DLL1: variants seen among roughly 807,000 people sequenced by gnomAD.
The protein encoded by DLL1 is delta-like protein 1.
DLL1 carries 9 observed loss-of-function variants against 75.1 expected under a neutral mutation model. The ratio of observed to expected loss-of-function variants is 0.12; its 90% CI spans 0.07 to 0.21. The LOEUF (loss-of-function observed/expected upper bound fraction) is 0.21. Ranked by LOEUF, DLL1 falls within the 10% of genes least tolerant of loss-of-function variation. The pLI, the probability that DLL1 is intolerant of heterozygous loss-of-function variation, is 1.00. For missense variants in DLL1, 837 were observed against 1,007.6 expected (o/e 0.83, Z 2.29); for synonymous variants, 477 against 418.3 (o/e 1.14, Z -1.71).
rs770864810 is a variant in DLL1 at position 170,284,960 on chromosome 6, T to G, written c.1208A>C (p.Glu403Ala). ...AGAGCTGCAGTAGTCAATTTTCTTCTCACAGTTGAAGCCGGAGTAGCCCAC... is the reference window on the plus strand; with the variant it reads ...AGAGCTGCAGTAGTCAATTTTCTTCGCACAGTTGAAGCCGGAGTAGCCCAC... ...CPVGYSGFNC[E>A]KKIDYCSSSP... is the part of the protein sequence containing the mutation. The change falls in exon 8 of 11, where the codon GAG (glutamate) becomes GCG (alanine). Residue 403 changes from glutamate to alanine, a missense_variant. Glu to Ala is a moderately radical substitution (Grantham distance 107, BLOSUM62 -1). This residue lies in a region of DLL1 where 533 missense variants were observed against 545.7 expected (regional missense o/e 0.98). Coordinates refer to ENST00000366756, the MANE Select transcript of DLL1 (RefSeq NM_005618.4). The G allele has an allele frequency of 6.2e-7, 1 of 1,613,968 alleles. No homozygotes were observed.
chr6:170,282,859 C>T lies in DLL1; in HGVS notation c.*15G>A. The T allele has an allele frequency of 6.2e-7, 1 of 1,614,156 alleles. No individual in the cohort carries two copies. The highest frequency in any genetic ancestry group is 8.5e-7 in the Non-Finnish European group (1 of 1,180,044). On this transcript the variant is annotated 3_prime_UTR_variant, in exon 11 of 11. Transcript: ENST00000366756. ...ATTTTAAGAGAAACGGGAGTCTTGC[C>T]ATCTCACTTCCATTTTACACCTGGG...
At chr6:170,287,985 A>G (rs1247246741) in intron 4 of DLL1, among the ~76,000 whole-genome samples, 2 of 152,020 alleles carry the variant, frequency 1.3e-5, no homozygotes, top group African/African-American at 2.4e-5. Context: ...CTGTCTCTAA[A>G]ATCCTCCCTG....
At chr6:170,282,912 C>G in intron 10 of DLL1, 33 bp from the exon 11 acceptor site, 1 of 1,614,210 alleles carries the variant, frequency 6.2e-7, no homozygotes, top group Non-Finnish European at 8.5e-7. Flanking sequence ...GGAAGTTAGC[C>G]TGAGACCGAT....
At position 170,283,219 on chromosome 6, in the gene DLL1, C is replaced by G. The variant is rs754843439; in HGVS notation, c.2048+12G>C. 2.5e-6 allele frequency: 4 copies of G among 1,612,792 alleles called. No homozygotes were observed. The South Asian group carries it at 4.4e-5, about 18-fold the overall frequency. On this transcript the variant is annotated intron_variant, in intron 9 of 10. Transcript: ENST00000366756. ...AGGTACCCCCTCCTGATGCCCGGCC[C>G]GCAGCACGCACCCCCTGAGTGTGGT...
In DLL1 at chr6:170,289,699, G is replaced by A; in HGVS notation, c.164C>T (p.Ala55Val). 6.5e-7 allele frequency: 1 copy of A among 1,547,842 alleles called. No individual in the cohort carries two copies. Among genetic ancestry groups the A allele is most frequent in the Non-Finnish European group, 8.7e-7 (1 of 1,146,530 alleles). Residue 55 changes from alanine to valine, a missense_variant, in exon 2 of 11, where the codon GCC becomes GTC. Ala to Val is a moderately conservative substitution (Grantham distance 64). This residue lies in a region of DLL1 where 304 missense variants were observed against 461.9 expected (regional missense o/e 0.66). Transcript: ENST00000366756. ...CRGGAGPPPCACRTFFRVCLK... is the reference protein window; with the variant it reads ...CRGGAGPPPCVCRTFFRVCLK... Reference sequence around the variant, plus strand: ...GCACACGCGGAAGAAGGTCCGGCAGGCGCACGGCGGTGGCCCCGCGCCCCC... The same window carrying A: ...GCACACGCGGAAGAAGGTCCGGCAGACGCACGGCGGTGGCCCCGCGCCCCC...
intron 4 of DLL1, chr6:170,288,019 T>A (rs1368881331): frequency 2.9e-6 from 2 of 678,624 alleles, no homozygotes; most frequent in Non-Finnish European, 5.0e-6. Context: ...GTTCCGATAG[T>A]GGATAAACAC....
At position 170,283,104 on chromosome 6, in the gene DLL1, C is replaced by T; in HGVS notation, c.2050G>A (p.Gly684Arg). The T allele has an allele frequency of 1.2e-6, 2 of 1,614,092 alleles. No homozygotes were observed. Among genetic ancestry groups the T allele is most frequent in the Non-Finnish European group, 1.7e-6 (2 of 1,180,006 alleles). The change falls in exon 10 of 11, where the codon GGA becomes AGA. Residue 684 changes from glycine (G) to arginine (R), a missense_variant and splice_region_variant. Around this residue, in one of 2 missense-constraint regions of DLL1, gnomAD observed 533 missense variants for 545.7 expected, o/e 0.98. Transcript: ENST00000366756. The stretch of plus-strand genomic sequence containing the variant: ...GGCCTTTTTCTTTCAGATGCTTCTC[C>T]ACTAAAAGGAAAATAGAGAAAATCC... ...EKGTPTTLRG[G>R]EASERKRPDS... is the part of the protein sequence containing the mutation.
In DLL1 at chr6:170,288,709, G is replaced by C. The variant is rs946983901; in HGVS notation, c.412+20C>G. 6.2e-7 allele frequency: 1 copy of C among 1,613,986 alleles called. No individual in the cohort carries two copies. Among genetic ancestry groups the C allele is most frequent in the Non-Finnish European group, 8.5e-7 (1 of 1,179,972 alleles). The stretch of plus-strand genomic sequence containing the variant: ...TATTAACTGGGGAAAGCAGTTTTGG[G>C]GTTTGGGTTTTGTTTTTACCTGTTG... On this transcript the variant is annotated intron_variant, in intron 3 of 10. Coordinates refer to ENST00000366756, the MANE Select transcript of DLL1 (RefSeq NM_005618.4).
chr6:170,282,678 C>T lies in DLL1; in HGVS notation c.*196G>A. ...AACGGCGACGTCACGGAAGGCAGTG[C>T]CGCAGGCGGCCGGGCCGCGACAGGC... On this transcript the variant is annotated 3_prime_UTR_variant, in exon 11 of 11. Transcript: ENST00000366756. 1.3e-6 allele frequency: 1 copy of T among 792,534 alleles called. No individual in the cohort carries two copies. The highest frequency in any genetic ancestry group is 2.1e-6 in the Non-Finnish European group (1 of 467,664). 49.1% of individuals were successfully genotyped at this position (792,534 alleles called of 1,614,324 possible).
In DLL1 at chr6:170,282,677, G is replaced by A; in HGVS notation, c.*197C>T. ...CAACGGCGACGTCACGGAAGGCAGT[G>A]CCGCAGGCGGCCGGGCCGCGACAGG... On this transcript the variant is annotated 3_prime_UTR_variant, in exon 11 of 11. Transcript: ENST00000366756. 2 of 782,430 alleles carry A rather than the reference G, an allele frequency of 2.6e-6. No homozygotes were observed. The highest frequency in any genetic ancestry group is 2.1e-5 in the Admixed American group (1 of 48,712). 48.5% of individuals were successfully genotyped at this position (782,430 alleles called of 1,614,324 possible).
At chr6:170,285,844 G>T in intron 5 of DLL1, 145 bp from the exon 6 acceptor site, 2 of 1,236,438 alleles carry the variant, frequency 1.6e-6, no homozygotes, top group Non-Finnish European at 2.3e-6. Context: ...CTTGGGAGCT[G>T]CAGCCTGGGC....
rs753409971 is a variant in DLL1, at chr6:170,289,608, G to C, written c.255C>G (p.Pro85=). ...PPCTYGSAVT[P]VLGVDSFSLP... The stretch of plus-strand genomic sequence containing the variant: ...GACTGAAGGAGTCGACGCCCAGCAC[G>C]GGGGTGACGGCGCTGCCGTAGGTGC... Residue 85 remains proline, a synonymous_variant, in exon 2 of 11, where the codon CCC becomes CCG. Transcript: ENST00000366756. 5.5e-5 allele frequency: 85 copies of C among 1,536,374 alleles called. No homozygotes were observed. The Middle Eastern group carries it at 5.5e-3, about 99-fold the overall frequency.
chr6:170,286,906 G>A (rs1238659241), intron 4 of DLL1, among the ~76,000 whole-genome samples: 3 of 152,196 alleles, frequency 2.0e-5, no homozygotes, highest in East Asian at 3.9e-4. Context: ...TATGGCACGC[G>A]CGAGCTGGGG....
intron 6 of DLL1, 30 bp downstream of exon 6, chr6:170,285,539 A>G: frequency 1.9e-6 from 3 of 1,614,158 alleles, no homozygotes; most frequent in Middle Eastern, 1.7e-4. Context: ...CTCTGGAGGG[A>G]GCAGGCTGCC....
intron 4 of DLL1, 131 bp downstream of exon 4, chr6:170,288,108 C>T (rs1194063517): frequency 2.9e-6 from 4 of 1,390,526 alleles, no homozygotes; most frequent in African/African-American, 1.4e-5. Flanking sequence ...CCACTTCTGT[C>T]CTCTGGGCCT....
chr6:170,285,056 G>C lies in DLL1; in HGVS notation c.1112C>G (p.Ala371Gly). 1 of 1,614,120 alleles carries C rather than the reference G, an allele frequency of 6.2e-7. No individual in the cohort carries two copies. The highest frequency in any genetic ancestry group is 8.5e-7 in the Non-Finnish European group (1 of 1,180,028). Residue 371 changes from alanine to glycine, a missense_variant, in exon 8 of 11, where the codon GCG (alanine) becomes GGG (glycine). By Grantham distance (60) the Ala-to-Gly change is moderately conservative. This residue lies in a region of DLL1 where 533 missense variants were observed against 545.7 expected (regional missense o/e 0.98). Transcript: ENST00000366756. ...ACCCCCGTTAAAGCAAGGGCCGTCC[G>C]CACAGGTCATGGCACTCAATTCACA... is the stretch of plus-strand genomic sequence containing the variant. ...KICELSAMTC[A>G]DGPCFNGGRC... is the part of the protein sequence containing the mutation.
At position 170,282,536 on chromosome 6, in the gene DLL1, A is replaced by C. The variant is rs1783579261; in HGVS notation, c.*338T>G. ...AGGCAGTGTTTGTGTTTCTAATTCA[A>C]GAAAAGACTGGCTCATAAGAATCCA... On this transcript the variant is annotated 3_prime_UTR_variant, in exon 11 of 11. Coordinates refer to ENST00000366756, the MANE Select transcript of DLL1 (RefSeq NM_005618.4). The C allele has an allele frequency of 4.3e-6, 2 of 470,096 alleles. No homozygotes were observed. The highest frequency in any genetic ancestry group is 3.9e-5 in the African/African-American group (2 of 51,910). 29.1% of individuals were successfully genotyped at this position (470,096 alleles called of 1,614,324 possible). A position where few individuals can be genotyped will look rare whatever the true frequency, so the allele number is the denominator to read the frequency against.
Position 170,290,078 on chromosome 6 carries a change from C to T in DLL1, c.54+8G>A, listed in dbSNP as rs1276236627. ...GCGGGGCCGCGGCGCCCCCACCTGC[C>T]CGCCTACCTGACACAGCAAGGCCGA... On this transcript the variant is annotated splice_region_variant and intron_variant, in intron 1 of 10. Transcript: ENST00000366756. The surrounding 1 kb of genome is among the most constrained non-coding windows in gnomAD (Gnocchi z 4.7). The T allele has an allele frequency of 6.3e-7, 1 of 1,578,958 alleles. No individual in the cohort carries two copies.
intron 4 of DLL1, among the ~76,000 whole-genome samples, chr6:170,287,409 G>C (rs1051292707): frequency 6.6e-6 from 1 of 152,186 alleles, no homozygotes; most frequent in African/African-American, 2.4e-5. Context: ...AGAGAAATCC[G>C]GTACCAATGG....
Sources: gnomAD v4.1 joint callset for allele counts (sites outside exome capture counted in the v4.1 genomes callset) on GRCh38, gnomAD v4.1.1 for gene constraint, gnomAD v4.1.1 regional missense constraint, Gnocchi (gnomAD v3.1) non-coding constraint, MANE v1.5 for transcripts, NCBI Gene and HGNC (gene_info 2026-07-23, HGNC 2026-07-21) for gene names.